The following RAI14 variants were observed in gnomAD, a reference collection of about 807,000 sequenced individuals.
RAI14 encodes ankycorbin.
In RAI14, 45 loss-of-function variants were observed where a neutral mutation model predicts 115.4. The ratio of observed to expected loss-of-function variants is 0.39; its 90% CI spans 0.31 to 0.50. The LOEUF is 0.50. RAI14 is among the 20% of genes least tolerant of loss of function. The probability of loss-of-function intolerance (pLI) is 0.85; values close to 1 mark genes in which losing one functional copy is unlikely to be tolerated. For synonymous variants in RAI14, 371 were observed against 415.4 expected (o/e 0.89, Z 1.30); for missense variants, 939 against 1,131.2 (o/e 0.83, Z 2.44).
intron 2 of RAI14, among the ~76,000 whole-genome samples, chr5:34,713,333 C>G (rs994733874): frequency 2.0e-5 from 3 of 152,046 alleles, no homozygotes; most frequent in Non-Finnish European, 4.4e-5. Context: ...GAAGGAGAGA[C>G]TCACTAAAGG....
At chr5:34,768,265 A>G (rs544705144) in intron 3 of RAI14, among the ~76,000 whole-genome samples, 1 of 152,174 alleles carries the variant, frequency 6.6e-6, no homozygotes, top group South Asian at 2.1e-4. Flanking sequence ...CACCTAGCCC[A>G]GTGTTGGGGC....
chr5:34,775,844 A>G (rs942430075), intron 3 of RAI14, among the ~76,000 whole-genome samples: 5 of 152,196 alleles, frequency 3.3e-5, no homozygotes, highest in African/African-American at 1.2e-4. Context: ...TGTAACCATT[A>G]TGGAGAACGG....
chr5:34,699,320 G>C (rs1561252285), intron 2 of RAI14, among the ~76,000 whole-genome samples: 2 of 152,182 alleles, frequency 1.3e-5, no homozygotes, highest in Admixed American at 1.3e-4. Context: ...CTGTAACAAA[G>C]TACCCTAAAG....
intron 2 of RAI14, among the ~76,000 whole-genome samples, chr5:34,750,273 C>T (rs1746808158): frequency 6.6e-6 from 1 of 152,046 alleles, no homozygotes; most frequent in South Asian, 2.1e-4. Context: ...TGAAGTCTGT[C>T]TCTTCTTTTC....
chr5:34,702,131 C>T (rs1015593667), intron 2 of RAI14, among the ~76,000 whole-genome samples: 3 of 152,132 alleles, frequency 2.0e-5, no homozygotes, highest in South Asian at 4.1e-4. Flanking sequence ...CAACTCTTTT[C>T]GTCAACACTA....
chr5:34,733,608 T>G (rs1744470296), intron 2 of RAI14, among the ~76,000 whole-genome samples: 1 of 152,204 alleles, frequency 6.6e-6, no homozygotes. Context: ...TGGACCCTTC[T>G]CTAAAGCACC....
intron 1 of RAI14, among the ~76,000 whole-genome samples, chr5:34,669,565 C>T (rs1743476360): frequency 6.6e-6 from 1 of 152,214 alleles, no homozygotes; most frequent in African/African-American, 2.4e-5. Flanking sequence ...TGGCAGGCCG[C>T]TGGCTGTGGG....
chr5:34,738,321 A>G (rs1745109829), intron 2 of RAI14, among the ~76,000 whole-genome samples: 1 of 152,216 alleles, frequency 6.6e-6, no homozygotes, highest in South Asian at 2.1e-4. Flanking sequence ...AAGCGGAAGG[A>G]AAAGCTGTAG....
At chr5:34,747,919 C>T (rs542413540) in intron 2 of RAI14, among the ~76,000 whole-genome samples, 1 of 152,232 alleles carries the variant, frequency 6.6e-6, no homozygotes, top group South Asian at 2.1e-4. Flanking sequence ...GTGGACAGAC[C>T]TTTACAGATA....
At chr5:34,754,338 T>C (rs747911929) in intron 2 of RAI14, among the ~76,000 whole-genome samples, 6 of 152,154 alleles carry the variant, frequency 3.9e-5, no homozygotes, top group Admixed American at 6.5e-5. Context: ...AGACGTCTAA[T>C]TGGGACCCTA....
At chr5:34,783,582 C>T (rs1304279936) in intron 3 of RAI14, among the ~76,000 whole-genome samples, 3 of 152,162 alleles carry the variant, frequency 2.0e-5, no homozygotes, top group African/African-American at 4.8e-5. Flanking sequence ...AGATGCTGTT[C>T]AGCTGCTGAC....
chr5:34,775,102 T>C (rs1750674386), intron 3 of RAI14, among the ~76,000 whole-genome samples: 1 of 152,162 alleles, frequency 6.6e-6, no homozygotes, highest in Non-Finnish European at 1.5e-5. Flanking sequence ...TCTCTTGCCA[T>C]ATACAAAAAC....
chr5:34,782,093 C>A (rs574702272), intron 3 of RAI14, among the ~76,000 whole-genome samples: 2 of 152,206 alleles, frequency 1.3e-5, no homozygotes, highest in Non-Finnish European at 1.5e-5. Flanking sequence ...TGCCTTTAAG[C>A]GGTTTTCCAC....
chr5:34,702,512 G>T (rs1318282014), intron 2 of RAI14, among the ~76,000 whole-genome samples: 1 of 152,122 alleles, frequency 6.6e-6, no homozygotes, highest in African/African-American at 2.4e-5. Flanking sequence ...GAAGAAACAG[G>T]TCTCAAATAT....
chr5:34,756,492 G>A (rs370564045), intron 2 of RAI14, among the ~76,000 whole-genome samples: 28 of 152,302 alleles, frequency 1.8e-4, no homozygotes, highest in East Asian at 1.5e-3. Context: ...CTCAGGGGCC[G>A]GGCGCAGGAG....
rs567557941 is a variant in RAI14, at chr5:34,742,089, G to A, written c.37-15379G>A. 1.2e-3 allele frequency among the ~76,000 whole-genome samples: 177 copies of A among 152,260 alleles called. 1 individual carries two copies. The highest frequency in any genetic ancestry group is 3.3e-3 in the Admixed American group (51 of 15,296). On this transcript the variant is annotated intron_variant, in intron 2 of 17. Transcript: ENST00000265109. ...ATGCCAGGGAAACGAGAGACGTGGC[G>A]CTGACAGTCTTTGATGAGTAATTGG...
chr5:34,812,322 T>TA, intron 10 of RAI14, 114 bp downstream of exon 10: 5 of 963,956 alleles, frequency 5.2e-6, no homozygotes, highest in Middle Eastern at 2.4e-4. Flanking sequence ...ATATTGAAAA[T>TA]ACTTAGGGAC....
In RAI14 at chr5:34,792,273, G is replaced by A. The variant is rs180906590; in HGVS notation, c.168-3666G>A. Among the ~76,000 whole-genome samples the A allele has an allele frequency of 2.7e-3, 332 of 124,884 alleles. 2 individuals carry two copies. The highest frequency in any genetic ancestry group is 0.013 in the Middle Eastern group (2 of 152). 81.9% of individuals were successfully genotyped at this position (124,884 alleles called of 152,430 possible). A position where few individuals can be genotyped will look rare whatever the true frequency, so the allele number is the denominator to read the frequency against. On this transcript the variant is annotated intron_variant, in intron 3 of 17. Coordinates refer to ENST00000265109, the MANE Select transcript of RAI14 (RefSeq NM_015577.3). ...TTTTGAGACGGAGTCTCTCTCTGTC[G>A]CCCAGGCTGGAGTGCAGTGGTGCAA...
At chr5:34,741,536 C>G (rs1360737700) in intron 2 of RAI14, among the ~76,000 whole-genome samples, 1 of 152,192 alleles carries the variant, frequency 6.6e-6, no homozygotes, top group Non-Finnish European at 1.5e-5. Flanking sequence ...GGAAAAAGTA[C>G]TCGTAGTTAC....
Sources: allele counts gnomAD v4.1 joint callset (sites outside exome capture counted in the v4.1 genomes callset), GRCh38; gene constraint gnomAD v4.1.1; transcripts MANE v1.5; gene names NCBI Gene and HGNC (gene_info 2026-07-23, HGNC 2026-07-21).